The following CAPN2 variants were observed in gnomAD, a reference collection of about 807,000 sequenced individuals.
CAPN2 encodes the protein calpain-2 catalytic subunit.
In CAPN2, 92 loss-of-function variants were observed where a neutral mutation model predicts 102.3. That is an observed-to-expected ratio of 0.90 (90% CI 0.76 to 1.07). The LOEUF (loss-of-function observed/expected upper bound fraction) is 1.07. CAPN2 is among the 50% of genes least tolerant of loss of function. The pLI is 0.00. For missense variants in CAPN2, 800 were observed against 909.4 expected, an observed-to-expected ratio of 0.88 and a Z score of 1.55; for synonymous variants, 340 against 355.4, an observed-to-expected ratio of 0.96 and a Z score of 0.49.
Position 223,761,600 on chromosome 1 carries a change from G to T in CAPN2, c.1549G>T (p.Glu517Ter). ...TTCCAGAGCTGTCGATGATGAAATC[G>T]AGGCCAATCTTGAAGAGGTATTTGT... ...ADYQAVDDEIEANLEEFDISE... is the reference protein window; with the variant it reads ...ADYQAVDDEI The change falls in exon 13 of 21, where the codon GAG becomes TAG. Residue 517 changes from glutamate (E) to a stop codon, truncating the protein, a stop_gained. Coordinates refer to ENST00000295006, the MANE Select transcript of CAPN2 (RefSeq NM_001748.5). LOFTEE classifies it high-confidence loss of function. 6.2e-7 allele frequency: 1 copy of T among 1,612,620 alleles called. No individual in the cohort carries two copies. Among genetic ancestry groups the T allele is most frequent in the Non-Finnish European group, 8.5e-7 (1 of 1,178,986 alleles).
At chr1:223,724,352 GTGGCC>G (rs1660136021) in intron 2 of CAPN2, among the ~76,000 whole-genome samples, 1 of 152,114 alleles carries the variant, frequency 6.6e-6, no homozygotes, top group Non-Finnish European at 1.5e-5. Context: ...CCAGGAGGAG[GTGGCC>G]TGGCCAGCAG....
intron 2 of CAPN2, among the ~76,000 whole-genome samples, chr1:223,738,058 TC>T: frequency 6.6e-6 from 1 of 152,354 alleles, no homozygotes; most frequent in South Asian, 2.1e-4. Context: ...GAGGTAGACT[TC>T]CTTCTCTTAG....
chr1:223,708,548 C>T (rs1204106721), upstream of CAPN2, among the ~76,000 whole-genome samples: 1 of 152,112 alleles, frequency 6.6e-6, no homozygotes, highest in Non-Finnish European at 1.5e-5. Context: ...GCAGGTGGAT[C>T]ACCTGAGGTC....
intron 2 of CAPN2, among the ~76,000 whole-genome samples, chr1:223,743,701 C>T (rs1660680803): frequency 6.6e-6 from 1 of 152,138 alleles, no homozygotes; most frequent in African/African-American, 2.4e-5. Flanking sequence ...TGCTCAGAAG[C>T]CTCTGCAGCT....
intron 16 of CAPN2, among the ~76,000 whole-genome samples, chr1:223,767,184 ATTTAT>A (rs1286460435): frequency 2.0e-5 from 3 of 149,192 alleles, no homozygotes; most frequent in Non-Finnish European, 4.5e-5. Flanking sequence ...TTATTTATTT[ATTTAT>A]TTATTTTTTA....
In CAPN2 at chr1:223,771,833, A is replaced by C; in HGVS notation, c.1928A>C (p.His643Pro). 1 of 1,613,768 alleles carries C rather than the reference A, an allele frequency of 6.2e-7. No homozygotes were observed. The highest frequency in any genetic ancestry group is 8.5e-7 in the Non-Finnish European group (1 of 1,179,642). The part of the protein sequence containing the change: ...EAGFKMPCQL[H>P]QVIVARFADD... ...GGTTTCAAGATGCCCTGTCAACTCC[A>C]CCAAGTCATCGTTGCTCGGTTTGCA... The change falls in exon 19 of 21, where the codon CAC becomes CCC. Residue 643 changes from histidine to proline, a missense_variant. By Grantham distance (77) the His-to-Pro change is moderately conservative. Coordinates refer to ENST00000295006, the MANE Select transcript of CAPN2 (RefSeq NM_001748.5).
At chr1:223,746,473 A>ATTTTTTTTTTTTT (rs1420617646) in intron 4 of CAPN2, among the ~76,000 whole-genome samples, 1 of 105,238 alleles carries the variant, frequency 9.5e-6, no homozygotes, top group African/African-American at 7.0e-5. Flanking sequence ...TTCTACGAGA[A>ATTTTTTTTTTTTT]TCTTTTTTTT....
chr1:223,746,250 G>A (rs188478615), intron 4 of CAPN2, among the ~76,000 whole-genome samples: 4 of 152,202 alleles, frequency 2.6e-5, no homozygotes, highest in East Asian at 1.9e-4. Flanking sequence ...GGAAGCCACC[G>A]GACTCCAGCA....
chr1:223,742,185 G>A (rs1036982606), intron 2 of CAPN2, among the ~76,000 whole-genome samples: 4 of 152,192 alleles, frequency 2.6e-5, no homozygotes, highest in Admixed American at 2.6e-4. Context: ...GAGGTCAGGA[G>A]TTAAAGATCA....
In CAPN2 at chr1:223,771,911, T is replaced by A; in HGVS notation, c.2006T>A (p.Leu669Gln). The A allele has an allele frequency of 6.2e-7, 1 of 1,611,222 alleles. No homozygotes were observed. ...AATTTTGTTCGGTGTTTGGTTCGGCTGGAAACGCTATTCAGTAAGTGGATA... is the reference window on the plus strand; with the variant it reads ...AATTTTGTTCGGTGTTTGGTTCGGCAGGAAACGCTATTCAGTAAGTGGATA... ...FDNFVRCLVR[L>Q]ETLFKIFKQL... The change falls in exon 19 of 21, where the codon CTG becomes CAG. Residue 669 changes from leucine (L) to glutamine (Q), a missense_variant. By Grantham distance (113) the Leu-to-Gln change is moderately radical. Transcript: ENST00000295006.
chr1:223,715,452 G>A (rs1470997231), intron 1 of CAPN2, among the ~76,000 whole-genome samples: 1 of 152,136 alleles, frequency 6.6e-6, no homozygotes, highest in Non-Finnish European at 1.5e-5. Context: ...CAGGGAGGGG[G>A]CAGTGAAACA....
chr1:223,772,258 CCTTGCTTCTA>C lies in CAPN2; in HGVS notation c.2079+20_2079+29del, dbSNP rs775951978. On this transcript the variant is annotated intron_variant, in intron 20 of 20. Coordinates refer to ENST00000295006, the MANE Select transcript of CAPN2 (RefSeq NM_001748.5). ...TATCTCTGTGAGTCAGCAGGCCCCGCCTTGCTTCTAAGGGGATGGGGGAGGCATGGGGCGG... is the reference window on the plus strand; with the variant it reads ...TATCTCTGTGAGTCAGCAGGCCCCGCAGGGGATGGGGGAGGCATGGGGCGG... 7.5e-5 allele frequency: 120 copies of C among 1,610,468 alleles called. 1 individual carries two copies. In the Admixed American group the frequency reaches 2.0e-3, roughly 26 times the overall value.
At chr1:223,715,075 G>A (rs1397331434) in intron 1 of CAPN2, among the ~76,000 whole-genome samples, 1 of 152,196 alleles carries the variant, frequency 6.6e-6, no homozygotes. Context: ...TGTAGTCTGT[G>A]CATGTTGAGC....
Position 223,774,889 on chromosome 1 carries a change from T to A in CAPN2, c.*32T>A. 6.3e-7 allele frequency: 1 copy of A among 1,598,984 alleles called. No individual in the cohort carries two copies. Among genetic ancestry groups the A allele is most frequent in the African/African-American group, 1.3e-5 (1 of 74,714 alleles). ...AACTAATCTGCCTGAAGACTTCTCA[T>A]GATGGAAAATCAGCCAAGGACTAAG... On this transcript the variant is annotated 3_prime_UTR_variant, in exon 21 of 21. Transcript: ENST00000295006.
In CAPN2 at chr1:223,727,020, C is replaced by T. The variant is rs558866910; in HGVS notation, c.307+9189C>T. 5.9e-5 allele frequency among the ~76,000 whole-genome samples: 9 copies of T among 152,290 alleles called. No individual in the cohort carries two copies. Among genetic ancestry groups the T allele is most frequent in the African/African-American group, 2.2e-4 (9 of 41,568 alleles). On this transcript the variant is annotated intron_variant, in intron 2 of 20. Coordinates refer to ENST00000295006, the MANE Select transcript of CAPN2 (RefSeq NM_001748.5). This position sits in a 1 kb window ranked among gnomAD's most constrained non-coding sequence, Gnocchi z 4.1. ...AGGTTCCTTCTCCTCCCTTCCAAAG[C>T]GAAGACCCACAGCTGCCTGAAAATG...
intron 6 of CAPN2, 38 bp from the exon 7 acceptor site, chr1:223,750,852 C>T (rs376509037): frequency 5.8e-6 from 9 of 1,540,670 alleles, no homozygotes; most frequent in South Asian, 1.2e-5. Context: ...CTGACTTGAA[C>T]TCAACCTCTT....
At chr1:223,771,298 T>C (rs1661463680) in intron 18 of CAPN2, 1 of 153,704 alleles carries the variant, frequency 6.5e-6, no homozygotes, top group Non-Finnish European at 1.4e-5. Context: ...CGGTCACACA[T>C]CCCACCAGCC....
At chr1:223,770,045 T>A in intron 17 of CAPN2, 136 bp downstream of exon 17, 1 of 768,928 alleles carries the variant, frequency 1.3e-6, no homozygotes, top group Non-Finnish European at 2.2e-6. Context: ...AAGCTCAGAG[T>A]GAGTAAAGAT....
At chr1:223,748,946 GC>G in intron 5 of CAPN2, 92 bp from the exon 6 acceptor site, 1 of 1,194,316 alleles carries the variant, frequency 8.4e-7, no homozygotes, top group Non-Finnish European at 1.2e-6. Context: ...AGTGCGTCCG[GC>G]GGTCCCGCCC....
Sources: gnomAD v4.1 joint callset for allele counts (sites outside exome capture counted in the v4.1 genomes callset) on GRCh38, gnomAD v4.1.1 for gene constraint, Gnocchi (gnomAD v3.1) non-coding constraint, MANE v1.5 for transcripts, NCBI Gene and HGNC (gene_info 2026-07-23, HGNC 2026-07-21) for gene names.